ABCB11: variants seen among roughly 807,000 people sequenced by gnomAD.
ABCB11 encodes ATP binding cassette subfamily B member 11, also known as bile salt export pump.
A neutral mutation model predicts 148.0 loss-of-function variants in ABCB11; 95 were observed. The observed-to-expected ratio is 0.64, with a 90% CI of 0.54 to 0.76. The LOEUF (loss-of-function observed/expected upper bound fraction) is 0.76, where lower values mean the gene tolerates loss of function less well. ABCB11 is among the 30% of genes least tolerant of loss of function. ABCB11 has a pLI of 0.00. For synonymous variants in ABCB11, 591 were observed against 555.4 expected, an observed-to-expected ratio of 1.06 and a Z score of -0.90; for missense variants, 1,523 against 1,617.8, an observed-to-expected ratio of 0.94 and a Z score of 1.01.
At chr2:168,988,739 A>G (rs1259778053) in intron 9 of ABCB11, among the ~76,000 whole-genome samples, 3 of 152,084 alleles carry the variant, frequency 2.0e-5, no homozygotes, top group African/African-American at 7.2e-5. Context: ...GATCCGTGTA[A>G]CAGTGTTTCA....
At chr2:169,011,508 G>C (rs1399802159) in intron 5 of ABCB11, among the ~76,000 whole-genome samples, 1 of 152,092 alleles carries the variant, frequency 6.6e-6, no homozygotes, top group Non-Finnish European at 1.5e-5. Flanking sequence ...TAGACATTAG[G>C]GAACTTATAT....
intron 18 of ABCB11, among the ~76,000 whole-genome samples, chr2:168,962,494 C>A (rs1410079163): frequency 1.3e-5 from 2 of 151,666 alleles, no homozygotes; most frequent in African/African-American, 4.8e-5. Flanking sequence ...GTCCCCTACA[C>A]CTACGCTAGG....
At chr2:168,916,470 T>C (rs368893514), downstream of ABCB11, among the ~76,000 whole-genome samples, 12 of 152,342 alleles carry the variant, frequency 7.9e-5, no homozygotes, top group Admixed American at 2.6e-4. Flanking sequence ...CCCTGATTAC[T>C]CATTATGAGC....
At chr2:168,950,140 T>C (rs2389615) in intron 19 of ABCB11, among the ~76,000 whole-genome samples, 34,117 of 143,756 alleles carry the variant, frequency 0.24, 5,916 homozygotes, top group African/African-American at 0.49. Context: ...TATATATATA[T>C]ACACACACAC....
In ABCB11 at chr2:168,964,561, G is replaced by A. The variant is rs577166218; in HGVS notation, c.2076-253C>T. 1.6e-4 allele frequency among the ~76,000 whole-genome samples: 24 copies of A among 151,734 alleles called. No individual in the cohort carries two copies. The Middle Eastern group carries it at 0.01, about 65-fold the overall frequency. On this transcript the variant is annotated intron_variant, in intron 17 of 27. Coordinates refer to ENST00000650372, the MANE Select transcript of ABCB11 (RefSeq NM_003742.4). ...GATTCAGAGTGTAGTCAGGGAGGGA[G>A]AAAGAGAAAGGGAGCAAAGCTGTCC...
At chr2:169,023,201 T>C (rs1010160482) in intron 1 of ABCB11, among the ~76,000 whole-genome samples, 2 of 152,190 alleles carry the variant, frequency 1.3e-5, no homozygotes, top group Non-Finnish European at 2.9e-5. Flanking sequence ...TCCCAGAATA[T>C]CCTTCTCTGG....
chr2:168,923,182 C>G lies in ABCB11; in HGVS notation c.*440G>C. ...TCTGACCTTGGTCTAGCTCAAGAAA[C>G]GTTTGTTGATTGCCTGTTATAGACC... is the stretch of plus-strand genomic sequence containing the variant. On this transcript the variant is annotated 3_prime_UTR_variant, in exon 28 of 28. Coordinates refer to ENST00000650372, the MANE Select transcript of ABCB11 (RefSeq NM_003742.4). 6.0e-6 allele frequency: 1 copy of G among 166,122 alleles called. No individual in the cohort carries two copies. The highest frequency in any genetic ancestry group is 1.3e-5 in the Non-Finnish European group (1 of 76,538). 10.3% of individuals were successfully genotyped at this position (166,122 alleles called of 1,614,324 possible). A position where few individuals can be genotyped will look rare whatever the true frequency, so the allele number is the denominator to read the frequency against.
At position 168,958,128 on chromosome 2, in the gene ABCB11, C is replaced by G; in HGVS notation, c.2179G>C (p.Asp727His). ...TCTTCCTGCACAGGAATGTCCTTGTCCTTGAGCAGAGAGAGGGTTATATTA... is the reference window on the plus strand; with the variant it reads ...TCTTCCTGCACAGGAATGTCCTTGTGCTTGAGCAGAGAGAGGGTTATATTA... The part of the protein sequence containing the change: ...HKSTYEEDRK[D>H]KDIPVQEEVE... Residue 727 changes from aspartate (D) to histidine (H), a missense_variant and splice_region_variant, in exon 19 of 28, where the codon GAC becomes CAC. By Grantham distance (81) the Asp-to-His change is moderately conservative. Transcript: ENST00000650372. The G allele has an allele frequency of 3.1e-6, 5 of 1,610,570 alleles. No homozygotes were observed. Among genetic ancestry groups the G allele is most frequent in the Non-Finnish European group, 4.2e-6 (5 of 1,177,818 alleles).
At chr2:168,954,375 T>G (rs1371313707) in intron 19 of ABCB11, among the ~76,000 whole-genome samples, 7 of 151,612 alleles carry the variant, frequency 4.6e-5, no homozygotes, top group African/African-American at 1.7e-4. Flanking sequence ...TTTCCATGTT[T>G]AAGACCCCTT....
At chr2:168,955,200 T>C (rs1252605219) in intron 19 of ABCB11, among the ~76,000 whole-genome samples, 1 of 151,716 alleles carries the variant, frequency 6.6e-6, no homozygotes, top group Non-Finnish European at 1.5e-5. Flanking sequence ...TCTCTTGCAT[T>C]TTACTATCTT....
intron 14 of ABCB11, chr2:168,970,521 C>G: frequency 6.1e-6 from 3 of 493,456 alleles, no homozygotes; most frequent in Non-Finnish European, 1.0e-5. Context: ...TCCTAAATAT[C>G]TATCTCAGAG....
chr2:168,971,687 G>T (rs1693582754), intron 14 of ABCB11, among the ~76,000 whole-genome samples, 160 bp downstream of exon 14: 1 of 152,084 alleles, frequency 6.6e-6, no homozygotes, highest in Non-Finnish European at 1.5e-5. Flanking sequence ...GTTTTCAGAT[G>T]AAAGGAAACA....
downstream of ABCB11, among the ~76,000 whole-genome samples, chr2:168,916,160 T>TAC (rs1045771256): frequency 1.3e-5 from 2 of 152,220 alleles, no homozygotes; most frequent in Non-Finnish European, 1.5e-5. Flanking sequence ...AGAAACCAAA[T>TAC]ACCACAAAGG....
rs1691137100 is a variant in ABCB11, at chr2:168,922,969, T to C, written c.*653A>G. On this transcript the variant is annotated 3_prime_UTR_variant, in exon 28 of 28. Coordinates refer to ENST00000650372, the MANE Select transcript of ABCB11 (RefSeq NM_003742.4). ...CACCACCCCTACACTCACTCTGAAG[T>C]TAAAGCATAAATCAACAGCCCTAAC... is the stretch of plus-strand genomic sequence containing the variant. 1 of 153,230 alleles carries C rather than the reference T, an allele frequency of 6.5e-6. No homozygotes were observed. Among genetic ancestry groups the C allele is most frequent in the African/African-American group, 2.4e-5 (1 of 41,414 alleles). 9.5% of individuals were successfully genotyped at this position (153,230 alleles called of 1,614,324 possible).
rs1156256069 is a variant in ABCB11 at position 169,001,719 on chromosome 2, C to T, written c.390-4997G>A. ...AAGTTTTCTACTAGGCTTTCTCTTTCTGACCCACTATCTAGAAAAAGCAGG... is the reference window on the plus strand; with the variant it reads ...AAGTTTTCTACTAGGCTTTCTCTTTTTGACCCACTATCTAGAAAAAGCAGG... On this transcript the variant is annotated intron_variant, in intron 5 of 27. Transcript: ENST00000650372. 2.0e-5 allele frequency among the ~76,000 whole-genome samples: 3 copies of T among 152,312 alleles called. No individual in the cohort carries two copies. In the East Asian group the frequency reaches 5.8e-4, roughly 29 times the overall value.
intron 18 of ABCB11, among the ~76,000 whole-genome samples, chr2:168,963,012 C>T (rs776741170): frequency 1.3e-5 from 2 of 151,690 alleles, no homozygotes; most frequent in African/African-American, 2.4e-5. Flanking sequence ...CATTTTCATA[C>T]GGTCATAAAG....
At chr2:168,917,871 G>C (rs1330493344), downstream of ABCB11, among the ~76,000 whole-genome samples, 3 of 152,170 alleles carry the variant, frequency 2.0e-5, no homozygotes, top group Non-Finnish European at 4.4e-5. Flanking sequence ...ACATAAGGCT[G>C]ATTTGAGCTA....
In ABCB11 at chr2:168,935,328, A is replaced by G; in HGVS notation, c.2912T>C (p.Phe971Ser). The G allele has an allele frequency of 6.2e-7, 1 of 1,614,036 alleles. No individual in the cohort carries two copies. The highest frequency in any genetic ancestry group is 8.5e-7 in the Non-Finnish European group (1 of 1,179,904). Residue 971 changes from phenylalanine to serine, a missense_variant, in exon 23 of 28, where the codon TTC (phenylalanine) becomes TCC (serine). By Grantham distance (155) the Phe-to-Ser change is radical. Transcript: ENST00000650372. ...EALETELEKP[F>S]KTAIQKANIY... ...ATTGGCTTTCTGAATGGCTGTCTTG[A>G]AGGGCTTCTCCAGCTCAGTCTCAAG... is the stretch of plus-strand genomic sequence containing the variant.
At chr2:168,970,433 T>C (rs888380136) in intron 14 of ABCB11, 5 of 1,277,172 alleles carry the variant, frequency 3.9e-6, no homozygotes, top group Non-Finnish European at 4.3e-6. Context: ...TATTCCAGGG[T>C]TTACTGGGCT....
Sources: gnomAD v4.1 joint callset for allele counts (sites outside exome capture counted in the v4.1 genomes callset) on GRCh38, gnomAD v4.1.1 for gene constraint, MANE v1.5 for transcripts, NCBI Gene and HGNC (gene_info 2026-07-23, HGNC 2026-07-21) for gene names.